The following GRID1 variants were observed in gnomAD, a reference collection of about 807,000 sequenced individuals.
GRID1 encodes glutamate receptor ionotropic, delta-1.
In GRID1, 28 loss-of-function variants were observed where a neutral mutation model predicts 98.0. That is an observed-to-expected ratio of 0.29 (90% CI 0.21 to 0.39). GRID1 has a LOEUF of 0.39. Ranked by LOEUF, GRID1 falls within the 10% of genes least tolerant of loss-of-function variation. The pLI, the probability that GRID1 is intolerant of heterozygous loss-of-function variation, is 1.00. For missense variants in GRID1, 1,111 were observed against 1,340.5 expected, an observed-to-expected ratio of 0.83 and a Z score of 2.67; for synonymous variants, 553 against 538.5, an observed-to-expected ratio of 1.03 and a Z score of -0.37.
chr10:85,902,900 C>G (rs149268744), intron 5 of GRID1, among the ~76,000 whole-genome samples: 3 of 152,254 alleles, frequency 2.0e-5, no homozygotes, highest in East Asian at 1.9e-4. Flanking sequence ...GGGACCCCCC[C>G]ACAACACCTG....
intron 4 of GRID1, among the ~76,000 whole-genome samples, chr10:85,993,270 A>T (rs1050822083): frequency 6.6e-6 from 1 of 152,144 alleles, no homozygotes; most frequent in African/African-American, 2.4e-5. Flanking sequence ...GTGCAGGGGC[A>T]GCTTTGGCCA....
chr10:85,784,028 G>A (rs1313857741), intron 8 of GRID1, among the ~76,000 whole-genome samples: 2 of 152,144 alleles, frequency 1.3e-5, no homozygotes, highest in Non-Finnish European at 2.9e-5. Context: ...GATTTCCTAG[G>A]TGGGGCTGTG....
At chr10:86,328,613 C>A (rs1848090662) in intron 2 of GRID1, among the ~76,000 whole-genome samples, 2 of 152,236 alleles carry the variant, frequency 1.3e-5, no homozygotes, top group African/African-American at 4.8e-5. Flanking sequence ...CTTTTACAAT[C>A]AGAAAAATTC....
At chr10:86,188,464 C>G (rs1376382666) in intron 3 of GRID1, among the ~76,000 whole-genome samples, 5 of 152,322 alleles carry the variant, frequency 3.3e-5, no homozygotes, top group African/African-American at 9.6e-5. Flanking sequence ...GCCAAGCTAC[C>G]CCATCCCCCT....
At chr10:85,730,297 G>A (rs565593446) in intron 8 of GRID1, among the ~76,000 whole-genome samples, 1 of 152,332 alleles carries the variant, frequency 6.6e-6, no homozygotes, top group South Asian at 2.1e-4. Flanking sequence ...AACCTACCTT[G>A]GCTCAGAAAC....
intron 3 of GRID1, among the ~76,000 whole-genome samples, chr10:86,147,795 G>T (rs1195826490): frequency 6.6e-6 from 1 of 152,128 alleles, no homozygotes; most frequent in Admixed American, 6.5e-5. Flanking sequence ...CCAATCCAGA[G>T]CCCAGAACCC....
chr10:85,831,030 T>C (rs1407455544), intron 8 of GRID1, among the ~76,000 whole-genome samples: 1 of 152,138 alleles, frequency 6.6e-6, no homozygotes, highest in Non-Finnish European at 1.5e-5. Context: ...TGCTGAACTA[T>C]TTACAATGGC....
chr10:85,674,250 CCT>C (rs1841119444), intron 12 of GRID1, among the ~76,000 whole-genome samples: 1 of 152,114 alleles, frequency 6.6e-6, no homozygotes, highest in Non-Finnish European at 1.5e-5. Flanking sequence ...ATGTTCTCCC[CCT>C]GTGTTCGCCT....
At chr10:86,226,869 A>G (rs570460797) in intron 2 of GRID1, among the ~76,000 whole-genome samples, 2 of 151,960 alleles carry the variant, frequency 1.3e-5, no homozygotes, top group South Asian at 4.2e-4. Context: ...TAGGAAATGG[A>G]ACTGCCAAAG....
At chr10:86,197,435 T>A (rs1227249272) in intron 3 of GRID1, among the ~76,000 whole-genome samples, 1 of 152,130 alleles carries the variant, frequency 6.6e-6, no homozygotes, top group African/African-American at 2.4e-5. Flanking sequence ...CACATCTCGC[T>A]GGTACCCTTC....
At chr10:85,713,452 A>C (rs1841603737) in intron 12 of GRID1, among the ~76,000 whole-genome samples, 1 of 151,696 alleles carries the variant, frequency 6.6e-6, no homozygotes. Flanking sequence ...CTTCTCAAAC[A>C]CTTCCAAAAA....
intron 8 of GRID1, among the ~76,000 whole-genome samples, chr10:85,818,043 T>C (rs1842731740): frequency 6.6e-6 from 1 of 152,256 alleles, no homozygotes. Flanking sequence ...ATTTAAATGC[T>C]GTTCTTTAGT....
intron 5 of GRID1, among the ~76,000 whole-genome samples, chr10:85,880,460 G>T (rs1255406521): frequency 6.6e-6 from 1 of 152,172 alleles, no homozygotes; most frequent in Non-Finnish European, 1.5e-5. Context: ...ATGCAAGGCT[G>T]GTTCAACATA....
At position 86,283,543 on chromosome 10, in the gene GRID1, A is replaced by C. The variant is rs535642189; in HGVS notation, c.236-76895T>G. Among the ~76,000 whole-genome samples, 5 of 130,838 alleles carry C rather than the reference A, an allele frequency of 3.8e-5. No homozygotes were observed. In the East Asian group the frequency reaches 6.0e-4, roughly 16 times the overall value. 85.8% of individuals were successfully genotyped at this position (130,838 alleles called of 152,430 possible). Reference sequence around the variant, plus strand: ...TTGCCCACATGACACACACACACACACCTGCCCTTACACACACATGCACAC... The same window carrying C: ...TTGCCCACATGACACACACACACACCCCTGCCCTTACACACACATGCACAC... On this transcript the variant is annotated intron_variant, in intron 2 of 15. Coordinates refer to ENST00000327946, the MANE Select transcript of GRID1 (RefSeq NM_017551.3).
chr10:85,868,679 C>T (rs1843246448), intron 6 of GRID1, among the ~76,000 whole-genome samples: 1 of 152,178 alleles, frequency 6.6e-6, no homozygotes, highest in African/African-American at 2.4e-5. Flanking sequence ...AAGAAGACTC[C>T]ACCCCCAGCC....
At chr10:86,125,236 C>T (rs77663942) in intron 4 of GRID1, among the ~76,000 whole-genome samples, 1 of 152,212 alleles carries the variant, frequency 6.6e-6, no homozygotes. Flanking sequence ...AAATAGGAAG[C>T]TACTTCTCAT....
chr10:86,294,843 G>A (rs1164416515), intron 2 of GRID1, among the ~76,000 whole-genome samples: 1 of 152,194 alleles, frequency 6.6e-6, no homozygotes, highest in Non-Finnish European at 1.5e-5. Flanking sequence ...TGGGGACATG[G>A]GACATGCCAG....
intron 3 of GRID1, among the ~76,000 whole-genome samples, chr10:86,144,844 G>T (rs10788482): frequency 6.6e-6 from 1 of 152,110 alleles, no homozygotes; most frequent in African/African-American, 2.4e-5. Flanking sequence ...CATGTGCTAA[G>T]GAAGCCCACA....
rs577344416 is a variant in GRID1, at chr10:86,361,009, G to A, written c.235+2932C>T. 1.9e-3 allele frequency among the ~76,000 whole-genome samples: 294 copies of A among 152,270 alleles called. 2 individuals are homozygous for A. Among genetic ancestry groups the A allele is most frequent in the Non-Finnish European group, 2.1e-3 (145 of 68,014 alleles). The stretch of plus-strand genomic sequence containing the variant: ...TTTGCTCTCCATCCCTGACCACTCC[G>A]CTACTAAAAGTCTTTTTCTTTCCTA... On this transcript the variant is annotated intron_variant, in intron 2 of 15. Coordinates refer to ENST00000327946, the MANE Select transcript of GRID1 (RefSeq NM_017551.3).
Sources: allele counts gnomAD v4.1 joint callset (sites outside exome capture counted in the v4.1 genomes callset), GRCh38; gene constraint gnomAD v4.1.1; transcripts MANE v1.5; gene names NCBI Gene and HGNC (gene_info 2026-07-23, HGNC 2026-07-21).